SEC24B: variants seen among roughly 807,000 people sequenced by gnomAD.
SEC24B encodes the protein protein transport protein Sec24B.
Under a neutral mutation model 142.8 loss-of-function variants are expected in SEC24B, and 45 were observed. The observed-to-expected ratio is 0.32, with a 90% CI of 0.25 to 0.40. The LOEUF is 0.40. Among genes scored for constraint, SEC24B ranks in the 10% least tolerant of loss-of-function variants. SEC24B has a pLI of 1.00. For missense variants in SEC24B, 1,409 were observed against 1,526.8 expected, an observed-to-expected ratio of 0.92 and a Z score of 1.29; for synonymous variants, 574 against 568.2, an observed-to-expected ratio of 1.01 and a Z score of -0.15.
At position 109,473,313 on chromosome 4, in the gene SEC24B, A is replaced by G. The variant is rs76839468; in HGVS notation, c.1060+127A>G. On this transcript the variant is annotated intron_variant, in intron 3 of 23. Coordinates refer to ENST00000265175, the MANE Select transcript of SEC24B (RefSeq NM_006323.5). ...TTGGAATATTAACTTACAGTGTCTC[A>G]TATATGTTTTACATAATTACATACC... The G allele has an allele frequency of 1.4e-3, 792 of 560,666 alleles. 6 individuals are homozygous for G. The highest frequency in any genetic ancestry group is 0.014 in the African/African-American group (696 of 51,290). 34.7% of individuals were successfully genotyped at this position (560,666 alleles called of 1,614,324 possible).
chr4:109,509,601 C>A (rs1379367988), intron 7 of SEC24B, among the ~76,000 whole-genome samples: 1 of 150,218 alleles, frequency 6.7e-6, no homozygotes, highest in African/African-American at 2.4e-5. Context: ...GGCGTGAACC[C>A]AGGAGGCGGA....
chr4:109,532,528 A>G (rs1725038237), intron 20 of SEC24B, 111 bp from the exon 21 acceptor site: 2 of 754,576 alleles, frequency 2.7e-6, no homozygotes, highest in Admixed American at 2.0e-5. Flanking sequence ...ATATCATGCA[A>G]AACTCCCAAG....
At chr4:109,536,126 A>G (rs1300378203) in intron 22 of SEC24B, among the ~76,000 whole-genome samples, 1 of 152,202 alleles carries the variant, frequency 6.6e-6, no homozygotes, top group African/African-American at 2.4e-5. Flanking sequence ...GTAAAACTCA[A>G]CAAATGAGGA....
At chr4:109,513,456 GT>G (rs1321453516) in intron 9 of SEC24B, among the ~76,000 whole-genome samples, 1 of 151,566 alleles carries the variant, frequency 6.6e-6, no homozygotes, top group East Asian at 1.9e-4. Context: ...GCTAATTTTT[GT>G]TTTTTTAGTA....
At chr4:109,462,783 C>T (rs1036999221) in intron 1 of SEC24B, 118 bp from the exon 2 acceptor site, 21 of 832,130 alleles carry the variant, frequency 2.5e-5, no homozygotes, top group Non-Finnish European at 3.5e-5. Flanking sequence ...CAGTGTATAC[C>T]TTTTGTAATA....
chr4:109,482,191 A>G (rs1345775324), intron 4 of SEC24B, among the ~76,000 whole-genome samples: 1 of 152,208 alleles, frequency 6.6e-6, no homozygotes, highest in Non-Finnish European at 1.5e-5. Flanking sequence ...TGGATTTTAT[A>G]ATAGGGATAG....
chr4:109,450,914 C>T (rs993281688), intron 1 of SEC24B: 3 of 152,028 alleles, frequency 2.0e-5, no homozygotes, highest in Non-Finnish European at 4.4e-5. Flanking sequence ...ACCTGGTGGT[C>T]CCCTGCTCCT....
chr4:109,512,710 C>T (rs938275071), intron 9 of SEC24B, among the ~76,000 whole-genome samples: 2 of 151,110 alleles, frequency 1.3e-5, no homozygotes, highest in Non-Finnish European at 2.9e-5. Context: ...GGCTGGAGTG[C>T]AGTTGCACAA....
chr4:109,529,774 C>T (rs995422652), intron 18 of SEC24B, among the ~76,000 whole-genome samples: 2 of 152,208 alleles, frequency 1.3e-5, no homozygotes, highest in African/African-American at 4.8e-5. Flanking sequence ...GGGTCTTGCT[C>T]TGTCGCCCAT....
intron 4 of SEC24B, among the ~76,000 whole-genome samples, chr4:109,482,973 T>TACACACACACACAC (rs1243190224): frequency 3.3e-5 from 2 of 61,414 alleles, no homozygotes; most frequent in African/African-American, 1.9e-4. Context: ...TATATATATA[T>TACACACACACACAC]ATATATACAC....
At chr4:109,457,680 G>A (rs1462859525) in intron 1 of SEC24B, among the ~76,000 whole-genome samples, 2 of 152,010 alleles carry the variant, frequency 1.3e-5, no homozygotes, top group Non-Finnish European at 2.9e-5. Context: ...TAGGCTCATA[G>A]GGGAGTAATA....
At chr4:109,502,455 T>C (rs1167915206) in intron 6 of SEC24B, among the ~76,000 whole-genome samples, 1 of 152,180 alleles carries the variant, frequency 6.6e-6, no homozygotes, top group Non-Finnish European at 1.5e-5. Flanking sequence ...AATTCGGAAA[T>C]TGATGGTTGT....
chr4:109,444,701 T>C (rs1729276577), intron 1 of SEC24B, among the ~76,000 whole-genome samples: 1 of 152,178 alleles, frequency 6.6e-6, no homozygotes, highest in African/African-American at 2.4e-5. Context: ...TAGAAAATCA[T>C]AGGCTGTATC....
chr4:109,455,260 T>A (rs1730544858), intron 1 of SEC24B, among the ~76,000 whole-genome samples: 1 of 152,164 alleles, frequency 6.6e-6, no homozygotes, highest in Non-Finnish European at 1.5e-5. Flanking sequence ...GGATTCTTTT[T>A]TTTTTTGGGA....
At chr4:109,503,055 T>C (rs1210466741) in intron 6 of SEC24B, among the ~76,000 whole-genome samples, 1 of 149,160 alleles carries the variant, frequency 6.7e-6, no homozygotes, top group Non-Finnish European at 1.5e-5. Flanking sequence ...TTGTAATTTC[T>C]TTCTTTCTTT....
At chr4:109,454,959 C>T (rs1730509178) in intron 1 of SEC24B, among the ~76,000 whole-genome samples, 1 of 152,212 alleles carries the variant, frequency 6.6e-6, no homozygotes, top group Non-Finnish European at 1.5e-5. Context: ...AGTCTGTTCA[C>T]ATTAGATTAT....
chr4:109,473,990 T>C (rs10516556), intron 3 of SEC24B, among the ~76,000 whole-genome samples: 38,785 of 152,132 alleles, frequency 0.25, 5,510 homozygotes, highest in East Asian at 0.35. Context: ...AACCTTCTTA[T>C]AGGTCTGAAA....
intron 1 of SEC24B, among the ~76,000 whole-genome samples, chr4:109,457,176 T>A (rs1395120317): frequency 6.6e-6 from 1 of 152,228 alleles, no homozygotes; most frequent in Non-Finnish European, 1.5e-5. Flanking sequence ...TGAGAATTTC[T>A]GTTCTATATC....
intron 7 of SEC24B, 37 bp from the exon 8 acceptor site, chr4:109,509,972 T>C: frequency 7.7e-7 from 1 of 1,295,340 alleles, no homozygotes; most frequent in Non-Finnish European, 1.1e-6. Flanking sequence ...TTTTCTCTGA[T>C]AGCTAATATC....
Sources: allele counts gnomAD v4.1 joint callset (sites outside exome capture counted in the v4.1 genomes callset), GRCh38; gene constraint gnomAD v4.1.1; transcripts MANE v1.5; gene names NCBI Gene and HGNC (gene_info 2026-07-23, HGNC 2026-07-21).